TRAPPC10: variants seen among roughly 807,000 people sequenced by gnomAD.
TRAPPC10 encodes the protein trafficking protein particle complex subunit 10.
Under a neutral mutation model 125.5 loss-of-function variants are expected in TRAPPC10, and 23 were observed. That is an observed-to-expected ratio of 0.18 (90% CI 0.13 to 0.26). The LOEUF (loss-of-function observed/expected upper bound fraction) is 0.26, where lower values mean the gene tolerates loss of function less well. Ranked by LOEUF, TRAPPC10 falls within the 10% of genes least tolerant of loss-of-function variation. The pLI, the probability that TRAPPC10 is intolerant of heterozygous loss-of-function variation, is 1.00. For synonymous variants in TRAPPC10, 509 were observed against 518.0 expected (o/e 0.98, Z 0.24); for missense variants, 1,123 against 1,308.4 (o/e 0.86, Z 2.19).
At chr21:44,046,485 G>A (rs1297505485) in intron 3 of TRAPPC10, 3 of 253,354 alleles carry the variant, frequency 1.2e-5, no homozygotes, top group Non-Finnish European at 2.5e-5. Context: ...AGTGACAAGG[G>A]GTGACACGCT....
chr21:44,081,005 C>CTTTTTTTTTTTTTTTTTTTTT (rs71326026), intron 13 of TRAPPC10, among the ~76,000 whole-genome samples: 4 of 103,900 alleles, frequency 3.8e-5, no homozygotes, highest in African/African-American at 6.3e-5. Context: ...TATTATTGTT[C>CTTTTTTTTTTTTTTTTTTTTT]TTTTTTTTTT....
At chr21:44,024,165 C>T (rs917182031) in intron 1 of TRAPPC10, among the ~76,000 whole-genome samples, 1 of 152,180 alleles carries the variant, frequency 6.6e-6, no homozygotes, top group Non-Finnish European at 1.5e-5. Flanking sequence ...CTCAGGGCTG[C>T]AGGGTTTTAA....
intron 17 of TRAPPC10, chr21:44,088,958 T>A (rs1204847211): frequency 1.3e-5 from 2 of 153,946 alleles, no homozygotes; most frequent in African/African-American, 2.9e-5. Flanking sequence ...GCGGCACCTG[T>A]GCTGTGTGCC....
At chr21:44,016,807 C>G (rs767142865) in intron 1 of TRAPPC10, among the ~76,000 whole-genome samples, 1 of 152,080 alleles carries the variant, frequency 6.6e-6, no homozygotes, top group Non-Finnish European at 1.5e-5. Flanking sequence ...TACAGGCGCC[C>G]GCCACCACGC....
At position 44,079,716 on chromosome 21, in the gene TRAPPC10, T is replaced by A; in HGVS notation, c.1610+12T>A. 6.3e-7 allele frequency: 1 copy of A among 1,596,280 alleles called. No individual in the cohort carries two copies. Among genetic ancestry groups the A allele is most frequent in the Non-Finnish European group, 8.5e-7 (1 of 1,175,774 alleles). On this transcript the variant is annotated intron_variant, in intron 12 of 22. Transcript: ENST00000291574. The stretch of plus-strand genomic sequence containing the variant: ...GGACAAATTGAAAAGTATCCTTTAA[T>A]GTTTTCATGAAGCAGGAAAATTATT...
chr21:44,019,477 A>C (rs114061081), intron 1 of TRAPPC10, among the ~76,000 whole-genome samples: 23 of 152,176 alleles, frequency 1.5e-4, no homozygotes, highest in African/African-American at 4.3e-4. Flanking sequence ...TCTTTCCTCT[A>C]TCTGCTCTTA....
intron 20 of TRAPPC10, among the ~76,000 whole-genome samples, chr21:44,094,962 A>C (rs546466048): frequency 7.3e-5 from 11 of 151,362 alleles, no homozygotes; most frequent in South Asian, 6.2e-4. Flanking sequence ...TCCTTAAATA[A>C]ATTTAAATGA....
chr21:44,024,041 C>T (rs189159330), intron 1 of TRAPPC10, among the ~76,000 whole-genome samples: 10 of 152,370 alleles, frequency 6.6e-5, no homozygotes, highest in African/African-American at 2.2e-4. Context: ...CCACCTTGGC[C>T]TCCCAAAGCA....
intron 7 of TRAPPC10, among the ~76,000 whole-genome samples, chr21:44,071,915 G>T (rs1187521750): frequency 6.6e-6 from 1 of 152,190 alleles, no homozygotes; most frequent in Non-Finnish European, 1.5e-5. Flanking sequence ...GCCTGCCCTT[G>T]TTCCTTGGCG....
rs2038244435 is a variant in TRAPPC10, at chr21:44,087,764, G to T, written c.2605G>T (p.Val869Phe). ...SDKVTSISLP[V>F]APAYHVIEFE... The stretch of plus-strand genomic sequence containing the variant: ...CAAGGTCACGAGCATCAGTCTGCCT[G>T]TTGCGCCTGCGTACCACGTGATCGA... The change falls in exon 17 of 23, where the codon GTT (valine) becomes TTT (phenylalanine). Residue 869 changes from valine (V) to phenylalanine (F), a missense_variant. Transcript: ENST00000291574. This position sits in a 1 kb window ranked among gnomAD's most constrained non-coding sequence, Gnocchi z 4.6. 1.9e-6 allele frequency: 3 copies of T among 1,614,096 alleles called. No homozygotes were observed. The highest frequency in any genetic ancestry group is 2.5e-6 in the Non-Finnish European group (3 of 1,180,058).
In TRAPPC10 at chr21:44,054,654, G is replaced by A. The variant is rs78037047; in HGVS notation, c.483-1044G>A. On this transcript the variant is annotated intron_variant, in intron 4 of 22. Coordinates refer to ENST00000291574, the MANE Select transcript of TRAPPC10 (RefSeq NM_003274.5). Reference sequence around the variant, plus strand: ...TCTGTTGGGAACTTTGTGTAATTTCGTGTGTTTGACCTTTTTACATCATGG... The same window carrying A: ...TCTGTTGGGAACTTTGTGTAATTTCATGTGTTTGACCTTTTTACATCATGG... Among the ~76,000 whole-genome samples, 568 of 152,276 alleles carry A rather than the reference G, an allele frequency of 3.7e-3. 7 individuals are homozygous for A. The highest frequency in any genetic ancestry group is 0.013 in the African/African-American group (541 of 41,540).
chr21:44,022,367 T>C (rs1306626605), intron 1 of TRAPPC10, among the ~76,000 whole-genome samples: 1 of 142,758 alleles, frequency 7.0e-6, no homozygotes, highest in Non-Finnish European at 1.5e-5. Context: ...CACTGCAACC[T>C]CCGCCTCCCA....
At position 44,078,027 on chromosome 21, in the gene TRAPPC10, A is replaced by AT. The variant is rs1044900600; in HGVS notation, c.1469+248dup. Among the ~76,000 whole-genome samples the AT allele has an allele frequency of 4.9e-4, 74 of 152,244 alleles. 1 individual carries two copies. In the Middle Eastern group the frequency reaches 0.02, roughly 42 times the overall value. ...TTCTTTTATTTAATTAAATATATACATTTTTGTAACTAAGTTTAATTAAAG... is the reference window on the plus strand; with the variant it reads ...TTCTTTTATTTAATTAAATATATACATTTTTTGTAACTAAGTTTAATTAAAG... On this transcript the variant is annotated intron_variant, in intron 11 of 22. Coordinates refer to ENST00000291574, the MANE Select transcript of TRAPPC10 (RefSeq NM_003274.5).
Position 44,089,872 on chromosome 21 carries a change from A to G in TRAPPC10, c.2809A>G (p.Ile937Val). 6.2e-7 allele frequency: 1 copy of G among 1,613,916 alleles called. No individual in the cohort carries two copies. The highest frequency in any genetic ancestry group is 8.5e-7 in the Non-Finnish European group (1 of 1,179,878). ...DCPWSIYSTV[I>V]ALTFSVPFRT... Reference sequence around the variant, plus strand: ...CCCGTGGTCCATCTACTCCACAGTCATCGCACTGACCTTCAGCGTACCCTT... The same window carrying G: ...CCCGTGGTCCATCTACTCCACAGTCGTCGCACTGACCTTCAGCGTACCCTT... The change falls in exon 18 of 23, where the codon ATC (isoleucine) becomes GTC (valine). Residue 937 changes from isoleucine (I) to valine (V), a missense_variant. By Grantham distance (29) the Ile-to-Val change is conservative. Transcript: ENST00000291574.
At chr21:44,039,108 G>T (rs1439399843) in intron 3 of TRAPPC10, among the ~76,000 whole-genome samples, 1 of 152,242 alleles carries the variant, frequency 6.6e-6, no homozygotes, top group Non-Finnish European at 1.5e-5. Flanking sequence ...GCGTGGGGCT[G>T]TTGTCCCCTT....
chr21:44,051,093 G>A (rs1172834989), intron 3 of TRAPPC10, among the ~76,000 whole-genome samples: 1 of 152,118 alleles, frequency 6.6e-6, no homozygotes, highest in African/African-American at 2.4e-5. Context: ...TAGTAGAGAT[G>A]GGGTTTCACC....
chr21:44,013,085 C>G (rs1277881962), intron 1 of TRAPPC10, among the ~76,000 whole-genome samples: 1 of 152,220 alleles, frequency 6.6e-6, no homozygotes, highest in Non-Finnish European at 1.5e-5. Flanking sequence ...CTCCTACACA[C>G]TTCCCCGCCG....
intron 19 of TRAPPC10, among the ~76,000 whole-genome samples, chr21:44,093,034 T>C (rs2038693703): frequency 6.6e-6 from 1 of 152,176 alleles, no homozygotes; most frequent in African/African-American, 2.4e-5. Context: ...TGGCCTCAGG[T>C]GAACCACCCA....
intron 3 of TRAPPC10, among the ~76,000 whole-genome samples, chr21:44,045,842 C>G (rs2034761881): frequency 6.6e-6 from 1 of 152,142 alleles, no homozygotes; most frequent in African/African-American, 2.4e-5. Flanking sequence ...AGGCGTGAGC[C>G]ACCGCACCGG....
Sources: gnomAD v4.1 joint callset for allele counts (sites outside exome capture counted in the v4.1 genomes callset) on GRCh38, gnomAD v4.1.1 for gene constraint, Gnocchi (gnomAD v3.1) non-coding constraint, MANE v1.5 for transcripts, NCBI Gene and HGNC (gene_info 2026-07-23, HGNC 2026-07-21) for gene names.